The following CHODL variants were observed in gnomAD, a reference collection of about 807,000 sequenced individuals.
CHODL encodes the protein chondrolectin, also known as transmembrane protein MT75.
A neutral mutation model predicts 34.5 loss-of-function variants in CHODL; 29 were observed. That is an observed-to-expected ratio of 0.84 (90% CI 0.63 to 1.15). The LOEUF (loss-of-function observed/expected upper bound fraction) is 1.15. Ranked by LOEUF, CHODL falls within the 50% of genes most tolerant of loss-of-function variation. CHODL has a pLI of 0.00. For missense variants in CHODL, 332 were observed against 332.5 expected, an observed-to-expected ratio of 1.00 and a Z score of 0.01; for synonymous variants, 125 against 116.1, an observed-to-expected ratio of 1.08 and a Z score of -0.49.
chr21:18,122,502 G>T (rs990977949), intron 2 of CHODL, among the ~76,000 whole-genome samples: 1 of 151,880 alleles, frequency 6.6e-6, no homozygotes, highest in African/African-American at 2.4e-5. Context: ...ACAATGTCTG[G>T]CACCTAAAAA....
chr21:18,230,565 A>G (rs1296495802), intron 2 of CHODL, among the ~76,000 whole-genome samples: 1 of 152,138 alleles, frequency 6.6e-6, no homozygotes, highest in Non-Finnish European at 1.5e-5. Flanking sequence ...ACCATATAAT[A>G]TGGTTTCATA....
chr21:18,043,285 T>A (rs1388917984), intron 2 of CHODL, among the ~76,000 whole-genome samples: 1 of 152,006 alleles, frequency 6.6e-6, no homozygotes, highest in Non-Finnish European at 1.5e-5. Context: ...GCTCTGCTGT[T>A]GTTGTCCTGA....
intron 2 of CHODL, among the ~76,000 whole-genome samples, chr21:18,075,834 G>A (rs992972596): frequency 6.6e-6 from 1 of 152,140 alleles, no homozygotes; most frequent in Non-Finnish European, 1.5e-5. Flanking sequence ...ATATTTGAAA[G>A]GTGATTAGGT....
intron 1 of CHODL, among the ~76,000 whole-genome samples, chr21:17,925,102 C>T (rs534732494): frequency 2.0e-5 from 3 of 152,164 alleles, no homozygotes; most frequent in Non-Finnish European, 2.9e-5. Flanking sequence ...GGAGGGGGCA[C>T]TAGTGGCCGT....
chr21:18,145,435 C>CCA (rs2072868990), intron 2 of CHODL, among the ~76,000 whole-genome samples: 1 of 60,894 alleles, frequency 1.6e-5, no homozygotes, highest in African/African-American at 5.3e-5. Flanking sequence ...GACTACCTTT[C>CCA]AAAAAAAAAA....
At chr21:18,151,079 T>G (rs1446757468) in intron 2 of CHODL, among the ~76,000 whole-genome samples, 1 of 50,514 alleles carries the variant, frequency 2.0e-5, no homozygotes, top group Non-Finnish European at 3.9e-5. Flanking sequence ...CGAGACTCTG[T>G]GTCAAAAAAA....
At chr21:18,262,118 A>G (rs1347700492) in intron 4 of CHODL, among the ~76,000 whole-genome samples, 1 of 152,176 alleles carries the variant, frequency 6.6e-6, no homozygotes, top group African/African-American at 2.4e-5. Context: ...AAGCTAGTCC[A>G]TGTCTGAATT....
At chr21:18,195,530 T>C (rs1472922802) in intron 2 of CHODL, among the ~76,000 whole-genome samples, 4 of 152,212 alleles carry the variant, frequency 2.6e-5, no homozygotes, top group Non-Finnish European at 5.9e-5. Flanking sequence ...CAGCTTTTTC[T>C]GATTTCACAT....
intron 2 of CHODL, among the ~76,000 whole-genome samples, chr21:18,046,810 G>A (rs1165523955): frequency 6.6e-6 from 1 of 151,894 alleles, no homozygotes; most frequent in African/African-American, 2.4e-5. Flanking sequence ...TTTACTGTTT[G>A]GGGATATCAC....
chr21:18,062,643 G>C (rs1205659873), intron 2 of CHODL, among the ~76,000 whole-genome samples: 1 of 152,124 alleles, frequency 6.6e-6, no homozygotes, highest in Non-Finnish European at 1.5e-5. Flanking sequence ...GTGCCCACCT[G>C]TAGTCCCAGC....
chr21:18,177,492 T>G (rs1546827), intron 2 of CHODL, among the ~76,000 whole-genome samples: 55,163 of 151,954 alleles, frequency 0.36, 11,446 homozygotes, highest in African/African-American at 0.57. Context: ...AATTATATTT[T>G]GACTTTATCT....
chr21:17,984,166 G>A (rs546459487), intron 1 of CHODL, among the ~76,000 whole-genome samples: 6 of 152,172 alleles, frequency 3.9e-5, no homozygotes, highest in South Asian at 2.1e-4. Flanking sequence ...TTATCCTTCC[G>A]TGACTGGCTT....
At chr21:18,105,250 G>T (rs772862996) in intron 2 of CHODL, among the ~76,000 whole-genome samples, 24 of 152,062 alleles carry the variant, frequency 1.6e-4, no homozygotes, top group Non-Finnish European at 3.1e-4. Context: ...GCAAGAGTAG[G>T]GGGTGAGGCA....
Position 17,921,960 on chromosome 21 carries a change from T to C in CHODL, c.-145+4560T>C, listed in dbSNP as rs979140870. Reference sequence around the variant, plus strand: ...ATTTTTTCCAAGAAAAAGAATAAATTGACAGATTGTCCAGATTTATTCCAC... The same window carrying C: ...ATTTTTTCCAAGAAAAAGAATAAATCGACAGATTGTCCAGATTTATTCCAC... On this transcript the variant is annotated intron_variant, in intron 1 of 6. Transcript: ENST00000400127. Among the ~76,000 whole-genome samples, 8 of 151,682 alleles carry C rather than the reference T, an allele frequency of 5.3e-5. No homozygotes were observed. The East Asian group carries it at 9.7e-4, about 18-fold the overall frequency.
chr21:18,265,431 T>C (rs116605548), intron 5 of CHODL, among the ~76,000 whole-genome samples: 6,536 of 151,932 alleles, frequency 0.043, 461 homozygotes, highest in African/African-American at 0.15. Flanking sequence ...AATGAAAAAC[T>C]AAGCATCGTA....
At chr21:17,982,128 G>C (rs1363244716) in intron 1 of CHODL, among the ~76,000 whole-genome samples, 1 of 152,210 alleles carries the variant, frequency 6.6e-6, no homozygotes, top group East Asian at 1.9e-4. Context: ...AATATCACCT[G>C]AGTTTCTAAC....
At chr21:18,140,436 C>A (rs1432718882) in intron 2 of CHODL, among the ~76,000 whole-genome samples, 1 of 152,162 alleles carries the variant, frequency 6.6e-6, no homozygotes, top group African/African-American at 2.4e-5. Context: ...GTTTGAGTCA[C>A]CAGTGCCTTA....
chr21:18,131,869 A>G (rs2072658890), intron 2 of CHODL, among the ~76,000 whole-genome samples: 1 of 151,640 alleles, frequency 6.6e-6, no homozygotes, highest in South Asian at 2.1e-4. Flanking sequence ...TCATTCTTCC[A>G]TTATTTTTTA....
chr21:17,955,926 T>TTTC (rs2063491069), intron 1 of CHODL, among the ~76,000 whole-genome samples: 1 of 136,888 alleles, frequency 7.3e-6, no homozygotes, highest in Non-Finnish European at 1.7e-5. Context: ...CAGAAATATA[T>TTTC]TAAAGCCCAT....
Sources: gnomAD v4.1 joint callset for allele counts (sites outside exome capture counted in the v4.1 genomes callset) on GRCh38, gnomAD v4.1.1 for gene constraint, MANE v1.5 for transcripts, NCBI Gene and HGNC (gene_info 2026-07-23, HGNC 2026-07-21) for gene names.